Variants in PPP1R1C observed in about 807,000 individuals in gnomAD.
PPP1R1C encodes the protein protein phosphatase 1 regulatory subunit 1C.
Under a neutral mutation model 17.4 loss-of-function variants are expected in PPP1R1C, and 15 were observed. That is an observed-to-expected ratio of 0.86 (90% CI 0.58 to 1.33). PPP1R1C has a LOEUF of 1.33. PPP1R1C is among the 40% of genes most tolerant of loss of function. The probability of loss-of-function intolerance (pLI) is 0.00; values close to 1 mark genes in which losing one functional copy is unlikely to be tolerated. For missense variants in PPP1R1C, 143 were observed against 130.0 expected (o/e 1.10, Z -0.48); for synonymous variants, 35 against 43.1 (o/e 0.81, Z 0.73).
chr2:182,066,465 C>T (rs1687986408), intron 4 of PPP1R1C, among the ~76,000 whole-genome samples: 2 of 152,080 alleles, frequency 1.3e-5, no homozygotes, highest in Admixed American at 1.3e-4. Flanking sequence ...GAGAGCCCTG[C>T]AGCAGCCCAT....
At chr2:181,973,369 G>A (rs1370839791) in intron 1 of PPP1R1C, among the ~76,000 whole-genome samples, 7 of 152,304 alleles carry the variant, frequency 4.6e-5, no homozygotes, top group Middle Eastern at 3.4e-3. Flanking sequence ...CAGCTCTTTT[G>A]CAGAGTTTAC....
intron 2 of PPP1R1C, among the ~76,000 whole-genome samples, chr2:182,022,759 T>C (rs1164220875): frequency 6.6e-6 from 1 of 152,170 alleles, no homozygotes; most frequent in East Asian, 1.9e-4. Context: ...CAGGCTTCCA[T>C]AATTAATGAG....
chr2:182,095,384 A>G (rs748512764), intron 4 of PPP1R1C, among the ~76,000 whole-genome samples: 3 of 152,216 alleles, frequency 2.0e-5, no homozygotes, highest in Non-Finnish European at 2.9e-5. Flanking sequence ...ATTAAACATT[A>G]TTTAACATGA....
chr2:182,053,874 A>G (rs2701671), intron 2 of PPP1R1C, among the ~76,000 whole-genome samples: 141,227 of 151,986 alleles, frequency 0.93, 65,787 homozygotes, highest in Middle Eastern at 0.97. Context: ...TCCGCCTCCC[A>G]GGTTCAAGTG....
At chr2:182,089,600 A>T (rs1188700000) in intron 4 of PPP1R1C, among the ~76,000 whole-genome samples, 2 of 152,208 alleles carry the variant, frequency 1.3e-5, no homozygotes, top group Non-Finnish European at 2.9e-5. Flanking sequence ...TATAAATGCA[A>T]GCAGGTATAG....
At chr2:182,129,259 A>C (rs541193705) in exon 6 of PPP1R1C, 1 of 152,298 alleles carries the variant, frequency 6.6e-6, no homozygotes, top group African/African-American at 2.4e-5. Flanking sequence ...CTACAACTAA[A>C]AAAGGGATCT....
chr2:181,975,247 T>C (rs946246981), exon 2 of PPP1R1C: 2 of 151,704 alleles, frequency 1.3e-5, no homozygotes, highest in Non-Finnish European at 2.9e-5. Context: ...GATTCTCTTT[T>C]GAAAGACATC....
chr2:181,987,809 T>A (rs1404695119), intron 1 of PPP1R1C, 30 bp from the exon 2 acceptor site: 3 of 1,609,572 alleles, frequency 1.9e-6, no homozygotes, highest in Non-Finnish European at 2.6e-6. Context: ...TAATACTCAC[T>A]GATATTAGCT....
chr2:181,973,332 A>C (rs1029838799), intron 1 of PPP1R1C, among the ~76,000 whole-genome samples: 1 of 152,234 alleles, frequency 6.6e-6, no homozygotes, highest in African/African-American at 2.4e-5. Context: ...TACATTCTGC[A>C]TGGAAACATA....
chr2:182,021,633 T>G (rs1686432663), intron 2 of PPP1R1C, among the ~76,000 whole-genome samples: 1 of 151,928 alleles, frequency 6.6e-6, no homozygotes, highest in Non-Finnish European at 1.5e-5. Flanking sequence ...CCAAAAAAAA[T>G]GGTTATTTTC....
intron 2 of PPP1R1C, among the ~76,000 whole-genome samples, chr2:182,035,697 C>A (rs10202990): frequency 6.6e-6 from 1 of 152,072 alleles, no homozygotes. Flanking sequence ...TGAAGATGCA[C>A]TTGCTACCCC....
intron 2 of PPP1R1C, among the ~76,000 whole-genome samples, chr2:182,052,582 C>T (rs1254468286): frequency 6.6e-6 from 1 of 152,196 alleles, no homozygotes; most frequent in Non-Finnish European, 1.5e-5. Context: ...CACAATCCTA[C>T]ATTCTCCTCT....
chr2:182,027,048 G>C (rs556547873), intron 2 of PPP1R1C, among the ~76,000 whole-genome samples: 1 of 133,618 alleles, frequency 7.5e-6, no homozygotes, highest in East Asian at 2.1e-4. Flanking sequence ...TGTGATTTTT[G>C]TACATTGATT....
intron 2 of PPP1R1C, among the ~76,000 whole-genome samples, chr2:182,059,890 A>G (rs1355692593): frequency 6.6e-6 from 1 of 152,116 alleles, no homozygotes; most frequent in East Asian, 1.9e-4. Context: ...ACATAAAGTT[A>G]TAGGTCCTGG....
At chr2:182,067,828 T>G (rs888080464) in intron 4 of PPP1R1C, among the ~76,000 whole-genome samples, 2 of 152,154 alleles carry the variant, frequency 1.3e-5, no homozygotes, top group Non-Finnish European at 2.9e-5. Context: ...GGGAAGTTCA[T>G]GTAAGGTACT....
chr2:182,048,173 T>C (rs1229385162), intron 2 of PPP1R1C, among the ~76,000 whole-genome samples: 1 of 152,228 alleles, frequency 6.6e-6, no homozygotes, highest in African/African-American at 2.4e-5. Context: ...CATTTTCTTC[T>C]TTTCTCCACA....
At chr2:182,059,853 A>G (rs1433680250) in intron 2 of PPP1R1C, among the ~76,000 whole-genome samples, 2 of 152,064 alleles carry the variant, frequency 1.3e-5, no homozygotes, top group African/African-American at 4.8e-5. Flanking sequence ...AAAAATCTGA[A>G]TGATCAGATC....
intron 4 of PPP1R1C, among the ~76,000 whole-genome samples, chr2:182,077,677 G>C (rs1688353927): frequency 6.6e-6 from 1 of 152,098 alleles, no homozygotes; most frequent in Non-Finnish European, 1.5e-5. Context: ...TTGGCCAGTA[G>C]AGCCTCCTAG....
Position 182,021,624 on chromosome 2 carries a change from C to CA in PPP1R1C, c.142+33733dup, listed in dbSNP as rs920113178. ...TACAGGCGTGAGCCTCACGCCCAGC[C>CA]AAAAAAAATGGTTATTTTCTTAAGA... On this transcript the variant is annotated intron_variant, in intron 2 of 4. Coordinates refer to ENST00000682840, the MANE Select transcript of PPP1R1C (RefSeq NM_001080545.3). 1.4e-3 allele frequency among the ~76,000 whole-genome samples: 216 copies of CA among 151,060 alleles called. 1 individual carries two copies. Among genetic ancestry groups the CA allele is most frequent in the African/African-American group, 4.9e-3 (203 of 41,258 alleles).
Sources: gnomAD v4.1 joint callset for allele counts (sites outside exome capture counted in the v4.1 genomes callset) on GRCh38, gnomAD v4.1.1 for gene constraint, MANE v1.5 for transcripts, NCBI Gene and HGNC (gene_info 2026-07-23, HGNC 2026-07-21) for gene names.